Variants in ZDHHC3 observed in about 807,000 individuals in gnomAD.
ZDHHC3 encodes zDHHC palmitoyltransferase 3.
A neutral mutation model predicts 30.6 loss-of-function variants in ZDHHC3; 9 were observed. The ratio of observed to expected loss-of-function variants is 0.29; its 90% CI spans 0.18 to 0.51. The LOEUF (loss-of-function observed/expected upper bound fraction) is 0.51. ZDHHC3 is among the 20% of genes least tolerant of loss of function. The pLI is 0.97. For synonymous variants in ZDHHC3, 136 were observed against 140.2 expected, an observed-to-expected ratio of 0.97 and a Z score of 0.21; for missense variants, 246 against 384.2, an observed-to-expected ratio of 0.64 and a Z score of 3.01.
rs576038160 is a variant in ZDHHC3 at position 44,915,896 on chromosome 3, C to G, written c.*10793G>C. The stretch of plus-strand genomic sequence containing the variant: ...GGCATTGCTTCCTCCCTAGTGTGAA[C>G]TCTCTGGTATTCCATCCACCATCCT... On this transcript the variant is annotated 3_prime_UTR_variant, in exon 7 of 7. Transcript: ENST00000424952. The G allele has an allele frequency of 6.6e-6, 1 of 152,256 alleles. No homozygotes were observed. Among genetic ancestry groups the G allele is most frequent in the Admixed American group, 6.5e-5 (1 of 15,280 alleles). 9.4% of individuals were successfully genotyped at this position (152,256 alleles called of 1,614,324 possible). A position where few individuals can be genotyped will look rare whatever the true frequency, so the allele number is the denominator to read the frequency against.
intron 1 of ZDHHC3, among the ~76,000 whole-genome samples, chr3:44,972,368 C>T (rs1705473010): frequency 6.6e-6 from 1 of 152,204 alleles, no homozygotes; most frequent in African/African-American, 2.4e-5. Flanking sequence ...GAGGCTGAGG[C>T]ACAAGAATTG....
intron 2 of ZDHHC3, chr3:44,958,470 G>C (rs1704151645): frequency 1.1e-6 from 1 of 874,734 alleles, no homozygotes; most frequent in Admixed American, 2.0e-5. Context: ...ACAAGAAAAG[G>C]AACAGAACAG....
Position 44,921,652 on chromosome 3 carries a change from A to T in ZDHHC3, c.*5037T>A. 1 of 975,562 alleles carries T rather than the reference A, an allele frequency of 1.0e-6. No homozygotes were observed. Among genetic ancestry groups the T allele is most frequent in the African/African-American group, 1.8e-5 (1 of 57,126 alleles). The allele number at this position is 975,562 out of a possible 1,614,324, so 60.4% of individuals were successfully genotyped here. ...GGCCAGACGCTATACATTCCTATTC[A>T]TCACCCTCATTTAATCCTTCCATTA... On this transcript the variant is annotated 3_prime_UTR_variant, in exon 7 of 7. Coordinates refer to ENST00000424952, the MANE Select transcript of ZDHHC3 (RefSeq NM_001135179.2).
intron 3 of ZDHHC3, among the ~76,000 whole-genome samples, chr3:44,936,506 T>C (rs1227944837): frequency 6.6e-6 from 1 of 152,196 alleles, no homozygotes; most frequent in African/African-American, 2.4e-5. Context: ...CATTACTGGA[T>C]ACATACCTAA....
At chr3:44,960,449 G>T (rs1005196581) in intron 1 of ZDHHC3, among the ~76,000 whole-genome samples, 1 of 152,208 alleles carries the variant, frequency 6.6e-6, no homozygotes, top group African/African-American at 2.4e-5. Flanking sequence ...GCTGAGCAAA[G>T]CACTCTTTCT....
intron 1 of ZDHHC3, among the ~76,000 whole-genome samples, chr3:44,962,786 G>A (rs1308945247): frequency 6.6e-6 from 1 of 152,058 alleles, no homozygotes; most frequent in Non-Finnish European, 1.5e-5. Context: ...CTCCATTCCT[G>A]CCTACTCATT....
intron 5 of ZDHHC3, among the ~76,000 whole-genome samples, chr3:44,930,386 G>A (rs1452180904): frequency 6.6e-6 from 1 of 152,206 alleles, no homozygotes; most frequent in African/African-American, 2.4e-5. Flanking sequence ...TGACAGACAG[G>A]CTAGGCCCCT....
intron 1 of ZDHHC3, among the ~76,000 whole-genome samples, chr3:44,967,726 T>TA (rs531242357): frequency 1.3e-5 from 2 of 152,056 alleles, no homozygotes; most frequent in Non-Finnish European, 2.9e-5. Flanking sequence ...AGTAACTGGT[T>TA]AAAAAAAATC....
intron 2 of ZDHHC3, among the ~76,000 whole-genome samples, chr3:44,949,566 A>G (rs1329805413): frequency 6.6e-6 from 1 of 152,208 alleles, no homozygotes; most frequent in Non-Finnish European, 1.5e-5. Context: ...AAGCAAAACA[A>G]AAACAAAAAC....
intron 4 of ZDHHC3, 134 bp downstream of exon 4, chr3:44,933,754 T>C (rs1235769681): frequency 3.6e-6 from 3 of 822,424 alleles, no homozygotes; most frequent in Non-Finnish European, 2.0e-6. Flanking sequence ...GAGAGATCTT[T>C]GGCAGGAAGG....
intron 1 of ZDHHC3, among the ~76,000 whole-genome samples, chr3:44,964,633 C>T (rs2125921209): frequency 6.6e-6 from 1 of 152,270 alleles, no homozygotes; most frequent in Non-Finnish European, 1.5e-5. Context: ...TGTGGCAAGA[C>T]CACTCTAGAA....
chr3:44,932,934 T>C, intron 5 of ZDHHC3, 184 bp downstream of exon 5: 2 of 1,614,154 alleles, frequency 1.2e-6, no homozygotes, highest in Non-Finnish European at 1.7e-6. Context: ...AGGGGCTGCA[T>C]TTTTTCATGA....
intron 2 of ZDHHC3, among the ~76,000 whole-genome samples, chr3:44,952,312 C>T (rs1703533963): frequency 6.6e-6 from 1 of 152,154 alleles, no homozygotes; most frequent in African/African-American, 2.4e-5. Flanking sequence ...CCATGCTCTC[C>T]CCTCCATGCC....
At chr3:44,943,952 A>T (rs1702671330) in intron 3 of ZDHHC3, among the ~76,000 whole-genome samples, 1 of 152,152 alleles carries the variant, frequency 6.6e-6, no homozygotes, top group African/African-American at 2.4e-5. Context: ...CTTGCATGAC[A>T]GAGTGAGACC....
At chr3:44,941,757 TAA>T (rs199887044) in intron 3 of ZDHHC3, among the ~76,000 whole-genome samples, 86 of 117,122 alleles carry the variant, frequency 7.3e-4, no homozygotes, top group Admixed American at 8.1e-4. Context: ...GCTGATGAGC[TAA>T]AAAAAAAAAA....
Position 44,975,981 on chromosome 3 carries a change from G to A in ZDHHC3, c.-73C>T, listed in dbSNP as rs374684743. The A allele has an allele frequency of 1.8e-3, 464 of 254,508 alleles. 6 individuals carry two copies. The Middle Eastern group carries it at 0.023, about 13-fold the overall frequency. 15.8% of individuals were successfully genotyped at this position (254,508 alleles called of 1,614,324 possible). ...AGTCCCAGACCCCGGTGGGGCTCCCGCCGCCGCCGCCGCTGCCTTCCCCTG... is the reference window on the plus strand; with the variant it reads ...AGTCCCAGACCCCGGTGGGGCTCCCACCGCCGCCGCCGCTGCCTTCCCCTG... On this transcript the variant is annotated 5_prime_UTR_variant, in exon 1 of 7. Transcript: ENST00000424952.
At chr3:44,931,446 A>T (rs1273267960) in intron 5 of ZDHHC3, among the ~76,000 whole-genome samples, 1 of 152,134 alleles carries the variant, frequency 6.6e-6, no homozygotes, top group Non-Finnish European at 1.5e-5. Flanking sequence ...GGGAGTGTGG[A>T]ACCACCTCCC....
At position 44,921,909 on chromosome 3, in the gene ZDHHC3, A is replaced by C; in HGVS notation, c.*4780T>G. 1 of 985,416 alleles carries C rather than the reference A, an allele frequency of 1.0e-6. No homozygotes were observed. The highest frequency in any genetic ancestry group is 1.2e-6 in the Non-Finnish European group (1 of 829,934). The allele number at this position is 985,416 out of a possible 1,614,324, so 61.0% of individuals were successfully genotyped here. A position where few individuals can be genotyped will look rare whatever the true frequency, so the allele number is the denominator to read the frequency against. On this transcript the variant is annotated 3_prime_UTR_variant, in exon 7 of 7. Coordinates refer to ENST00000424952, the MANE Select transcript of ZDHHC3 (RefSeq NM_001135179.2). ...TGTTAGAGCATGTGCGGCCCCTAGA[A>C]GGCTTTTAGCGAACGTCCCTCTGCA...
intron 2 of ZDHHC3, among the ~76,000 whole-genome samples, chr3:44,957,325 A>G (rs1488648996): frequency 1.3e-5 from 2 of 152,220 alleles, no homozygotes; most frequent in Non-Finnish European, 2.9e-5. Context: ...TCTTGCTCAT[A>G]GCTGTAGCCA....
Sources: allele counts gnomAD v4.1 joint callset (sites outside exome capture counted in the v4.1 genomes callset), GRCh38; gene constraint gnomAD v4.1.1; transcripts MANE v1.5; gene names NCBI Gene and HGNC (gene_info 2026-07-23, HGNC 2026-07-21).